The following PRIM2 variants were observed in gnomAD, a reference collection of about 807,000 sequenced individuals.
The protein encoded by PRIM2 is DNA primase large subunit.
Under a neutral mutation model 67.3 loss-of-function variants are expected in PRIM2, and 39 were observed. The ratio of observed to expected loss-of-function variants is 0.58; its 90% confidence interval spans 0.45 to 0.76. PRIM2 has a LOEUF of 0.76. Among genes scored for constraint, PRIM2 ranks in the 30% least tolerant of loss-of-function variants. The pLI is 0.00. For missense variants in PRIM2, 398 were observed against 598.7 expected (o/e 0.66, Z 3.50); for synonymous variants, 143 against 198.7 (o/e 0.72, Z 2.36).
chr6:57,622,477 AC>A (rs1235373606), intron 12 of PRIM2, among the ~76,000 whole-genome samples: 10 of 152,160 alleles, frequency 6.6e-5, no homozygotes, highest in African/African-American at 2.2e-4. Context: ...ACCAATACTT[AC>A]TTTTACATGT....
chr6:57,394,460 T>G (rs1353783062), intron 7 of PRIM2, among the ~76,000 whole-genome samples: 1 of 152,200 alleles, frequency 6.6e-6, no homozygotes, highest in Non-Finnish European at 1.5e-5. Flanking sequence ...GATTTGAATC[T>G]CTGCTTGGTT....
chr6:57,537,854 A>G (rs1410559697), intron 10 of PRIM2, among the ~76,000 whole-genome samples: 27 of 152,358 alleles, frequency 1.8e-4, no homozygotes, highest in East Asian at 3.9e-4. Flanking sequence ...AGTAGTAATT[A>G]TAAGACTGAA....
rs999133568 is a variant in PRIM2, at chr6:57,320,424, A to G, written c.155-33A>G. On this transcript the variant is annotated intron_variant, in intron 2 of 13. Transcript: ENST00000615550. ...GTCTTGGATTTAGTTTTAAAACATT[A>G]TCTTGCATTTATACCTTTTTTCTTT... 6 of 1,420,762 alleles carry G rather than the reference A, an allele frequency of 4.2e-6. No individual in the cohort carries two copies. In the African/African-American group the frequency reaches 5.7e-5, roughly 14 times the overall value. The allele number at this position is 1,420,762 out of a possible 1,614,324, so 88.0% of individuals were successfully genotyped here.
chr6:57,571,910 A>G (rs1190293121), intron 10 of PRIM2, among the ~76,000 whole-genome samples: 2 of 152,212 alleles, frequency 1.3e-5, no homozygotes, highest in African/African-American at 2.4e-5. Context: ...GTCTTGATTC[A>G]TGTAAAATCC....
intron 7 of PRIM2, among the ~76,000 whole-genome samples, chr6:57,393,257 A>C (rs1023296970): frequency 6.6e-6 from 1 of 152,104 alleles, no homozygotes; most frequent in African/African-American, 2.4e-5. Flanking sequence ...TGGCTGTACT[A>C]GTTTACACTC....
intron 7 of PRIM2, among the ~76,000 whole-genome samples, chr6:57,492,474 C>T (rs1554346054): frequency 1.8e-4 from 28 of 151,504 alleles, no homozygotes; most frequent in Non-Finnish European, 3.2e-4. Context: ...ACCCAGGAGG[C>T]GGAGGCTGCA....
intron 7 of PRIM2, among the ~76,000 whole-genome samples, chr6:57,398,217 C>A (rs1336350495): frequency 2.0e-5 from 3 of 152,196 alleles, no homozygotes; most frequent in African/African-American, 7.2e-5. Flanking sequence ...CTCGGCCTCC[C>A]AGAATGGTGG....
the PRIM2 span, among the ~76,000 whole-genome samples, chr6:57,256,468 A>G: frequency 6.6e-6 from 1 of 152,234 alleles, no homozygotes; most frequent in South Asian, 2.1e-4. Flanking sequence ...TTGATAAAAT[A>G]ACGTAAGTCA....
chr6:57,432,189 G>A (rs1408645905), intron 7 of PRIM2, among the ~76,000 whole-genome samples: 1 of 152,084 alleles, frequency 6.6e-6, no homozygotes, highest in African/African-American at 2.4e-5. Context: ...ACTAAATGAA[G>A]TTGGAAGTAA....
intron 7 of PRIM2, among the ~76,000 whole-genome samples, chr6:57,476,043 T>A (rs1315010531): frequency 2.6e-5 from 4 of 152,110 alleles, no homozygotes; most frequent in Admixed American, 6.6e-5. Context: ...TGTGTTTTTT[T>A]AAAAAAATCA....
intron 8 of PRIM2, among the ~76,000 whole-genome samples, chr6:57,514,733 C>A (rs1373007866): frequency 2.6e-5 from 4 of 151,996 alleles, no homozygotes; most frequent in Non-Finnish European, 5.9e-5. Context: ...TTAGAATCAG[C>A]CCGTTGTGTT....
intron 10 of PRIM2, among the ~76,000 whole-genome samples, chr6:57,565,829 T>G (rs1159334733): frequency 2.6e-5 from 4 of 152,220 alleles, no homozygotes; most frequent in African/African-American, 9.6e-5. Flanking sequence ...TTACATAATT[T>G]TAGTGTTACT....
chr6:57,372,333 T>C (rs1769590458), intron 5 of PRIM2, among the ~76,000 whole-genome samples: 1 of 152,216 alleles, frequency 6.6e-6, no homozygotes, highest in Admixed American at 6.5e-5. Flanking sequence ...TAGACTTTGG[T>C]TGGAAATCCA....
chr6:57,527,635 T>G (rs1774787453), intron 8 of PRIM2, among the ~76,000 whole-genome samples: 1 of 152,196 alleles, frequency 6.6e-6, no homozygotes, highest in Non-Finnish European at 1.5e-5. Context: ...TCACATCTTT[T>G]CATGATTTTT....
At chr6:57,601,536 A>T (rs1431693778) in intron 11 of PRIM2, among the ~76,000 whole-genome samples, 1 of 152,194 alleles carries the variant, frequency 6.6e-6, no homozygotes, top group Non-Finnish European at 1.5e-5. Flanking sequence ...TTAGAGGGCG[A>T]TGTAAGTTTT....
chr6:57,471,295 A>T (rs1390915932), intron 7 of PRIM2, among the ~76,000 whole-genome samples: 1 of 152,118 alleles, frequency 6.6e-6, no homozygotes, highest in Non-Finnish European at 1.5e-5. Context: ...AAGGGGAGGG[A>T]GTTAATAAGG....
the PRIM2 span, among the ~76,000 whole-genome samples, chr6:57,296,340 A>G: frequency 2.0e-5 from 3 of 151,792 alleles, no homozygotes; most frequent in African/African-American, 7.2e-5. Flanking sequence ...ATATATATAT[A>G]TTATAGGATT....
intron 5 of PRIM2, among the ~76,000 whole-genome samples, chr6:57,379,502 G>A (rs1315820164): frequency 6.6e-6 from 1 of 152,078 alleles, no homozygotes; most frequent in Non-Finnish European, 1.5e-5. Flanking sequence ...TTGAGAAATA[G>A]TCAAACCACT....
the PRIM2 span, among the ~76,000 whole-genome samples, chr6:57,267,954 G>A: frequency 6.6e-6 from 1 of 151,940 alleles, no homozygotes; most frequent in African/African-American, 2.4e-5. Flanking sequence ...TAAAAGTAAG[G>A]TTGTTGAGCT....
Sources: allele counts gnomAD v4.1 joint callset (sites outside exome capture counted in the v4.1 genomes callset), GRCh38; gene constraint gnomAD v4.1.1; transcripts MANE v1.5; gene names NCBI Gene and HGNC (gene_info 2026-07-23, HGNC 2026-07-21).